Variants in KAT2B observed in about 807,000 individuals in gnomAD.
KAT2B encodes the protein lysine acetyltransferase 2B, also known as histone acetyltransferase KAT2B.
KAT2B carries 36 observed loss-of-function variants against 105.9 expected under a neutral mutation model. The observed-to-expected ratio is 0.34, with a 90% CI of 0.26 to 0.45. The LOEUF is 0.45. Among genes scored for constraint, KAT2B ranks in the 20% least tolerant of loss-of-function variants. The pLI is 1.00. For synonymous variants in KAT2B, 397 were observed against 377.9 expected, an observed-to-expected ratio of 1.05 and a Z score of -0.59; for missense variants, 820 against 1,021.6, an observed-to-expected ratio of 0.80 and a Z score of 2.69.
chr3:20,079,202 CTTTT>C (rs61697250), intron 2 of KAT2B, among the ~76,000 whole-genome samples: 18 of 102,158 alleles, frequency 1.8e-4, no homozygotes, highest in Admixed American at 4.5e-4. Flanking sequence ...CACCTGGCCT[CTTTT>C]TTTTTTTTTT....
At position 20,148,238 on chromosome 3, in the gene KAT2B, T is replaced by C. The variant is rs1176201831; in HGVS notation, c.2157-5T>C. ...TTGCTCCTTGTTTCCCTTTTTCCTT[T>C]CAAGTAAAGAGCCCAGAGACCCTGA... On this transcript the variant is annotated splice_region_variant and splice_polypyrimidine_tract_variant and intron_variant, in intron 15 of 17. Coordinates refer to ENST00000263754, the MANE Select transcript of KAT2B (RefSeq NM_003884.5). 4 of 1,612,582 alleles carry C rather than the reference T, an allele frequency of 2.5e-6. No individual in the cohort carries two copies. In the South Asian group the frequency reaches 4.4e-5, roughly 18 times the overall value.
intron 2 of KAT2B, among the ~76,000 whole-genome samples, chr3:20,081,929 A>G (rs946076769): frequency 2.0e-5 from 3 of 149,800 alleles, no homozygotes; most frequent in East Asian, 2.0e-4. Context: ...ATATATATAT[A>G]TGAGTCTCTA....
chr3:20,146,024 C>T (rs1355791286), intron 13 of KAT2B, among the ~76,000 whole-genome samples: 1 of 152,132 alleles, frequency 6.6e-6, no homozygotes, highest in Non-Finnish European at 1.5e-5. Context: ...AAATAATTGG[C>T]TCTTATGCTA....
chr3:20,079,259 C>T (rs1308723499), intron 2 of KAT2B, among the ~76,000 whole-genome samples: 9 of 132,526 alleles, frequency 6.8e-5, no homozygotes, highest in Non-Finnish European at 1.1e-4. Flanking sequence ...GGCTGGAGTG[C>T]AATGGTGCAA....
At chr3:20,137,993 A>G (rs937272047) in intron 12 of KAT2B, among the ~76,000 whole-genome samples, 2 of 152,218 alleles carry the variant, frequency 1.3e-5, no homozygotes, top group Admixed American at 6.5e-5. Context: ...AAGTCTTAAA[A>G]TAAGTTTTCA....
chr3:20,128,238 G>A (rs1295333446), intron 11 of KAT2B, among the ~76,000 whole-genome samples: 2 of 152,164 alleles, frequency 1.3e-5, no homozygotes, highest in Non-Finnish European at 1.5e-5. Context: ...ACACATACAC[G>A]CAAACATGTA....
At chr3:20,109,029 G>T (rs1367722765) in intron 5 of KAT2B, among the ~76,000 whole-genome samples, 8 of 152,136 alleles carry the variant, frequency 5.3e-5, no homozygotes, top group Admixed American at 2.0e-4. Flanking sequence ...TGCCAAGTGT[G>T]TAGTAGGTTC....
intron 1 of KAT2B, among the ~76,000 whole-genome samples, chr3:20,060,454 A>G (rs903114953): frequency 2.6e-5 from 4 of 152,102 alleles, no homozygotes; most frequent in Non-Finnish European, 4.4e-5. Flanking sequence ...ATACAAAATT[A>G]GCTGGGCATG....
chr3:20,115,221 C>T (rs1453253398), intron 7 of KAT2B, among the ~76,000 whole-genome samples: 5 of 152,200 alleles, frequency 3.3e-5, no homozygotes, highest in Non-Finnish European at 7.3e-5. Context: ...CATCAAGTTA[C>T]CACCAGGTAT....
intron 9 of KAT2B, chr3:20,123,020 A>C: frequency 1.1e-6 from 1 of 883,682 alleles, no homozygotes; most frequent in Non-Finnish European, 1.4e-6. Flanking sequence ...CTTACTAATA[A>C]TCTCACAGTT....
intron 5 of KAT2B, among the ~76,000 whole-genome samples, chr3:20,111,384 G>C (rs1327542054): frequency 6.6e-6 from 1 of 152,182 alleles, no homozygotes; most frequent in Non-Finnish European, 1.5e-5. Context: ...TGCAGAATAA[G>C]GTGATTTTAA....
chr3:20,135,801 G>A (rs1483773716), intron 11 of KAT2B, among the ~76,000 whole-genome samples: 1 of 152,170 alleles, frequency 6.6e-6, no homozygotes, highest in Non-Finnish European at 1.5e-5. Context: ...AATCTTCAAA[G>A]GCTTGAAGGG....
chr3:20,136,977 A>T lies in KAT2B; in HGVS notation c.1785A>T (p.Glu595Asp), dbSNP rs762223190. Residue 595 changes from glutamate to aspartate, a missense_variant, in exon 12 of 18, where the codon GAA becomes GAT. Around this residue, in one of 6 missense-constraint regions of KAT2B, gnomAD observed 227 missense variants for 292.9 expected, o/e 0.77. Transcript: ENST00000263754. The part of the protein sequence containing the change: ...YGTHLMNHLK[E>D]YHIKHDILNF... ...CACACCTGATGAATCATTTGAAAGA[A>T]TATCACATAAAGCATGACATCCTGA... 1.2e-6 allele frequency: 2 copies of T among 1,609,494 alleles called. No individual in the cohort carries two copies. The highest frequency in any genetic ancestry group is 1.7e-6 in the Non-Finnish European group (2 of 1,175,938).
intron 1 of KAT2B, among the ~76,000 whole-genome samples, chr3:20,041,845 C>T (rs1697725583): frequency 6.6e-6 from 1 of 152,214 alleles, no homozygotes; most frequent in South Asian, 2.1e-4. Flanking sequence ...GCAGTGACCA[C>T]TTCTGAATTT....
chr3:20,086,238 A>G (rs1698612645), intron 2 of KAT2B, among the ~76,000 whole-genome samples: 1 of 152,132 alleles, frequency 6.6e-6, no homozygotes, highest in South Asian at 2.1e-4. Context: ...GTGCCACTAC[A>G]ATCCAGCCTG....
At chr3:20,111,177 T>C (rs2125165797) in intron 5 of KAT2B, among the ~76,000 whole-genome samples, 1 of 152,360 alleles carries the variant, frequency 6.6e-6, no homozygotes, top group Non-Finnish European at 1.5e-5. Flanking sequence ...AGTTATACTA[T>C]GCATTTTATA....
At chr3:20,132,150 G>T (rs13313945) in intron 11 of KAT2B, among the ~76,000 whole-genome samples, 1 of 152,048 alleles carries the variant, frequency 6.6e-6, no homozygotes, top group Non-Finnish European at 1.5e-5. Flanking sequence ...TGAGGCGGGC[G>T]GATCACCTGA....
At chr3:20,087,978 G>C (rs937149972) in intron 2 of KAT2B, among the ~76,000 whole-genome samples, 1 of 151,880 alleles carries the variant, frequency 6.6e-6, no homozygotes, top group Non-Finnish European at 1.5e-5. Flanking sequence ...ACAGGGTCTT[G>C]CCATCTTACC....
At chr3:20,132,882 G>A (rs910231598) in intron 11 of KAT2B, among the ~76,000 whole-genome samples, 4 of 152,178 alleles carry the variant, frequency 2.6e-5, no homozygotes, top group Admixed American at 1.3e-4. Context: ...TTACAAGATG[G>A]TGCATACAAC....
Sources: gnomAD v4.1 joint callset for allele counts (sites outside exome capture counted in the v4.1 genomes callset) on GRCh38, gnomAD v4.1.1 for gene constraint, gnomAD v4.1.1 regional missense constraint, MANE v1.5 for transcripts, NCBI Gene and HGNC (gene_info 2026-07-23, HGNC 2026-07-21) for gene names.